ATP1A2: variants seen among roughly 807,000 people sequenced by gnomAD.
The protein encoded by ATP1A2 is ATPase Na+/K+ transporting subunit alpha 2.
In ATP1A2, 56 loss-of-function variants were observed where a neutral mutation model predicts 113.1. The observed-to-expected ratio is 0.49, with a 90% CI of 0.40 to 0.62. ATP1A2 has a LOEUF of 0.62. Ranked by LOEUF, ATP1A2 falls within the 20% of genes least tolerant of loss-of-function variation. The pLI, the probability that ATP1A2 is intolerant of heterozygous loss-of-function variation, is 0.00. For synonymous variants in ATP1A2, 490 were observed against 526.8 expected, an observed-to-expected ratio of 0.93 and a Z score of 0.96; for missense variants, 712 against 1,357.8, an observed-to-expected ratio of 0.52 and a Z score of 7.47.
rs540676225 is a variant in ATP1A2 at position 160,139,932 on chromosome 1, C to T, written c.2982C>T (p.Leu994=). ...TCTGCGCCTTCCCCTACAGCCTCCT[C>T]ATCTTCATCTATGATGAGGTCCGAA... ...WWFCAFPYSL[L]IFIYDEVRKL... is the part of the protein sequence containing the mutation. Residue 994 remains leucine, a synonymous_variant, in exon 22 of 23, where the codon CTC becomes CTT. Coordinates refer to ENST00000361216, the MANE Select transcript of ATP1A2 (RefSeq NM_000702.4). 1.2e-6 allele frequency: 2 copies of T among 1,614,180 alleles called. No individual in the cohort carries two copies. Among genetic ancestry groups the T allele is most frequent in the Non-Finnish European group, 1.7e-6 (2 of 1,180,030 alleles).
chr1:160,140,209 G>A (rs1009914681), intron 22 of ATP1A2, among the ~76,000 whole-genome samples: 3 of 151,976 alleles, frequency 2.0e-5, no homozygotes, highest in African/African-American at 4.8e-5. Context: ...GTTGGTCTCC[G>A]AGGCCCTCCA....
intron 22 of ATP1A2, 53 bp from the exon 23 acceptor site, chr1:160,141,241 C>A: frequency 6.2e-7 from 1 of 1,611,192 alleles, no homozygotes; most frequent in Non-Finnish European, 8.5e-7. Context: ...AAATTGATCT[C>A]TTGCCTCCTT....
chr1:160,130,560 C>T lies in ATP1A2; in HGVS notation c.1790C>T (p.Pro597Leu). ...SMIDPPRAAV[P>L]DAVGKCRSAG... ...ATTGACCCTCCCCGGGCTGCTGTGC[C>T]AGATGCTGTGGGCAAGTGCCGAAGC... Residue 597 changes from proline (P) to leucine (L), a missense_variant, in exon 13 of 23, where the codon CCA becomes CTA. Physicochemically the swap from Pro to Leu is moderately conservative, Grantham distance 98. Coordinates refer to ENST00000361216, the MANE Select transcript of ATP1A2 (RefSeq NM_000702.4). The T allele has an allele frequency of 6.2e-7, 1 of 1,614,216 alleles. No homozygotes were observed. The highest frequency in any genetic ancestry group is 1.1e-5 in the South Asian group (1 of 91,080).
Position 160,128,973 on chromosome 1 carries a change from C to T in ATP1A2, c.1217-7C>T. 7 of 1,600,004 alleles carry T rather than the reference C, an allele frequency of 4.4e-6. No individual in the cohort carries two copies. Among genetic ancestry groups the T allele is most frequent in the Non-Finnish European group, 6.0e-6 (7 of 1,172,340 alleles). ...CACGCTCCTGGTTCCCCCTCATTTC[C>T]TCCCAGGGGCCACTTTTGACAAACG... On this transcript the variant is annotated splice_region_variant and splice_polypyrimidine_tract_variant and intron_variant, in intron 9 of 22. Coordinates refer to ENST00000361216, the MANE Select transcript of ATP1A2 (RefSeq NM_000702.4).
At chr1:160,136,500 G>T (rs1274174002) in intron 18 of ATP1A2, 70 bp from the exon 19 acceptor site, 1 of 1,612,980 alleles carries the variant, frequency 6.2e-7, no homozygotes, top group Non-Finnish European at 8.5e-7. Context: ...TCCATCTCTG[G>T]CCCTGAGGGG....
rs902408423 is a variant in ATP1A2 at position 160,124,239 on chromosome 1, G to C, written c.496-57G>C. Reference sequence around the variant, plus strand: ...GCTTGACGGTGTGGGAGACCAGCAGGAGAAGAAGGCAGGGGCAGAGACAAG... The same window carrying C: ...GCTTGACGGTGTGGGAGACCAGCAGCAGAAGAAGGCAGGGGCAGAGACAAG... On this transcript the variant is annotated intron_variant, in intron 5 of 22. Transcript: ENST00000361216. The C allele has an allele frequency of 2.6e-6, 4 of 1,560,612 alleles. No individual in the cohort carries two copies. In the Admixed American group the frequency reaches 7.7e-5, roughly 30 times the overall value.
intron 1 of ATP1A2, among the ~76,000 whole-genome samples, chr1:160,117,681 C>A (rs932911811): frequency 2.0e-5 from 3 of 152,178 alleles, no homozygotes; most frequent in African/African-American, 7.2e-5. Flanking sequence ...ATCCCTTCTC[C>A]CCTGCATCTC....
intron 18 of ATP1A2, 38 bp downstream of exon 18, chr1:160,136,408 A>T (rs749866822): frequency 1.2e-6 from 2 of 1,613,218 alleles, no homozygotes; most frequent in Non-Finnish European, 1.7e-6. Context: ...GAACCCCAAC[A>T]GGGTTCTTTT....
In ATP1A2 at chr1:160,141,558, C is replaced by T; in HGVS notation, c.*236C>T. 1 of 593,140 alleles carries T rather than the reference C, an allele frequency of 1.7e-6. No homozygotes were observed. The highest frequency in any genetic ancestry group is 3.1e-6 in the Non-Finnish European group (1 of 327,704). 36.7% of individuals were successfully genotyped at this position (593,140 alleles called of 1,614,324 possible). A position where few individuals can be genotyped will look rare whatever the true frequency, so the allele number is the denominator to read the frequency against. On this transcript the variant is annotated 3_prime_UTR_variant, in exon 23 of 23. Transcript: ENST00000361216. ...TGTGTTAGAGTCCCCCCGACCAGAT[C>T]CTTTTCCATCCCACTCCACTATGTT...
rs1380616166 is a variant in ATP1A2 at position 160,141,987 on chromosome 1, A to T, written c.*665A>T. 6.4e-6 allele frequency: 1 copy of T among 156,122 alleles called. No homozygotes were observed. The highest frequency in any genetic ancestry group is 1.4e-5 in the Non-Finnish European group (1 of 70,110). The allele number at this position is 156,122 out of a possible 1,614,324, so 9.7% of individuals were successfully genotyped here. On this transcript the variant is annotated 3_prime_UTR_variant, in exon 23 of 23. Transcript: ENST00000361216. ...TAGTGCCAATGACAGGACATTTGAC[A>T]TGAGTCTCCAGATAGATGTCGTGGA...
chr1:160,139,778 G>T (rs201387132), intron 21 of ATP1A2, 37 bp downstream of exon 21: 1 of 1,612,426 alleles, frequency 6.2e-7, no homozygotes. Context: ...GTAGTCATAC[G>T]GGGGGCCTTC....
rs886045418 is a variant in ATP1A2, at chr1:160,141,340, C to T, written c.*18C>T. On this transcript the variant is annotated 3_prime_UTR_variant, in exon 23 of 23. Coordinates refer to ENST00000361216, the MANE Select transcript of ATP1A2 (RefSeq NM_000702.4). ...ACTACTGACCCCATTGGAAGAAGAA[C>T]CAGGCATGGAAAGATGGGGAGCTCT... 5 of 1,613,760 alleles carry T rather than the reference C, an allele frequency of 3.1e-6. No individual in the cohort carries two copies. The highest frequency in any genetic ancestry group is 3.4e-6 in the Non-Finnish European group (4 of 1,179,714).
rs573797058 is a variant in ATP1A2, at chr1:160,128,485, T to A, written c.1018-167T>A. The stretch of plus-strand genomic sequence containing the variant: ...ATTTCATCTTAACAGATACTCATGA[T>A]CTCAACACATCTAAAATTGAACATT... On this transcript the variant is annotated intron_variant, in intron 8 of 22. Transcript: ENST00000361216. 129 of 1,534,292 alleles carry A rather than the reference T, an allele frequency of 8.4e-5. No homozygotes were observed. The African/African-American group carries it at 1.4e-3, about 16-fold the overall frequency.
chr1:160,131,290 T>A (rs115422953), intron 13 of ATP1A2, among the ~76,000 whole-genome samples: 3,187 of 152,282 alleles, frequency 0.021, 49 homozygotes, highest in Non-Finnish European at 0.033. Context: ...TTTCATTTAA[T>A]CTACGCAACA....
At chr1:160,127,492 A>G (rs1432497161) in intron 7 of ATP1A2, 60 bp from the exon 8 acceptor site, 2 of 1,609,404 alleles carry the variant, frequency 1.2e-6, no homozygotes, top group South Asian at 1.1e-5. Context: ...AGGAAATAGG[A>G]TGGGACTGCA....
At chr1:160,118,604 A>G (rs552768641) in intron 1 of ATP1A2, among the ~76,000 whole-genome samples, 3 of 152,270 alleles carry the variant, frequency 2.0e-5, no homozygotes, top group African/African-American at 4.8e-5. Flanking sequence ...GGAGGCCAAA[A>G]TTATACCAGA....
intron 13 of ATP1A2, among the ~76,000 whole-genome samples, chr1:160,132,748 A>G (rs1159974892): frequency 1.3e-5 from 2 of 152,176 alleles, no homozygotes; most frequent in African/African-American, 2.4e-5. Context: ...ACATTGGAGT[A>G]TGGTTTAGAG....
chr1:160,131,502 T>C (rs1651770216), intron 13 of ATP1A2, among the ~76,000 whole-genome samples: 1 of 152,098 alleles, frequency 6.6e-6, no homozygotes, highest in South Asian at 2.1e-4. Flanking sequence ...CCACTCTGTC[T>C]CCGAGGCAGG....
chr1:160,140,539 A>G lies in ATP1A2; in HGVS notation c.3034+555A>G, dbSNP rs80118655. 924 of 169,546 alleles carry G rather than the reference A, an allele frequency of 5.4e-3. 31 individuals carry two copies. The East Asian group carries it at 0.067, about 12-fold the overall frequency. 10.5% of individuals were successfully genotyped at this position (169,546 alleles called of 1,614,324 possible). A position where few individuals can be genotyped will look rare whatever the true frequency, so the allele number is the denominator to read the frequency against. ...TGTGTGTGTGGGGGGAGGAGGGTGGATTAATTGGTCCGATATAGAAAATTT... is the reference window on the plus strand; with the variant it reads ...TGTGTGTGTGGGGGGAGGAGGGTGGGTTAATTGGTCCGATATAGAAAATTT... On this transcript the variant is annotated intron_variant, in intron 22 of 22. Transcript: ENST00000361216.
Sources: gnomAD v4.1 joint callset for allele counts (sites outside exome capture counted in the v4.1 genomes callset) on GRCh38, gnomAD v4.1.1 for gene constraint, MANE v1.5 for transcripts, NCBI Gene and HGNC (gene_info 2026-07-23, HGNC 2026-07-21) for gene names.